LAMA2: variants seen among roughly 807,000 people sequenced by gnomAD.
LAMA2 encodes laminin subunit alpha 2, also known as laminin subunit alpha-2.
LAMA2 carries 269 observed loss-of-function variants against 364.8 expected under a neutral mutation model. The observed-to-expected ratio is 0.74, with a 90% CI of 0.67 to 0.82. The LOEUF (loss-of-function observed/expected upper bound fraction) is 0.82, where lower values mean the gene tolerates loss of function less well. Ranked by LOEUF, LAMA2 falls within the 40% of genes least tolerant of loss-of-function variation. The pLI, the probability that LAMA2 is intolerant of heterozygous loss-of-function variation, is 0.00. For synonymous variants in LAMA2, 1,379 were observed against 1,370.6 expected (o/e 1.01, Z -0.14); for missense variants, 3,807 against 3,873.2 (o/e 0.98, Z 0.45).
chr6:129,083,305 TG>T (rs531346563), intron 3 of LAMA2, among the ~76,000 whole-genome samples: 216 of 152,304 alleles, frequency 1.4e-3, no homozygotes, highest in African/African-American at 4.8e-3. Context: ...AAGACTTCTT[TG>T]GAACTGTGGA....
chr6:129,340,605 G>A (rs1678092586), intron 29 of LAMA2, among the ~76,000 whole-genome samples: 1 of 152,064 alleles, frequency 6.6e-6, no homozygotes, highest in Non-Finnish European at 1.5e-5. Flanking sequence ...GGAGGCTGAG[G>A]TGGGTGGATC....
chr6:129,206,454 G>A (rs539355721), intron 12 of LAMA2, among the ~76,000 whole-genome samples: 1 of 152,270 alleles, frequency 6.6e-6, no homozygotes, highest in Admixed American at 6.5e-5. Flanking sequence ...ATTCTAAGCT[G>A]TTGTAAAAAT....
intron 10 of LAMA2, among the ~76,000 whole-genome samples, 198 bp downstream of exon 10, chr6:129,178,064 G>A (rs1040643149): frequency 3.3e-5 from 5 of 152,216 alleles, no homozygotes; most frequent in African/African-American, 1.2e-4. Context: ...ACAAATGCAC[G>A]GAGGATAAAC....
intron 1 of LAMA2, among the ~76,000 whole-genome samples, chr6:128,985,985 C>T (rs751245374): frequency 6.6e-6 from 1 of 152,112 alleles, no homozygotes; most frequent in Non-Finnish European, 1.5e-5. Context: ...AACAGGAAAG[C>T]AGATCAAATA....
intron 1 of LAMA2, among the ~76,000 whole-genome samples, chr6:128,894,021 A>G (rs1267851072): frequency 3.9e-5 from 6 of 152,152 alleles, no homozygotes; most frequent in African/African-American, 1.4e-4. Context: ...ATTGGAAAAA[A>G]GAGGAGTCTG....
At chr6:129,282,760 C>G (rs1788813262) in intron 18 of LAMA2, among the ~76,000 whole-genome samples, 1 of 152,156 alleles carries the variant, frequency 6.6e-6, no homozygotes, top group South Asian at 2.1e-4. Context: ...CTAAGACCCA[C>G]CAACATCTCT....
chr6:129,266,246 A>G (rs888430910), intron 15 of LAMA2, among the ~76,000 whole-genome samples: 2 of 152,266 alleles, frequency 1.3e-5, no homozygotes, highest in East Asian at 3.9e-4. Flanking sequence ...CTTATTTTGC[A>G]TCTCATCCAT....
chr6:129,311,174 T>A (rs930173112), intron 22 of LAMA2, among the ~76,000 whole-genome samples: 1 of 151,438 alleles, frequency 6.6e-6, no homozygotes, highest in Non-Finnish European at 1.5e-5. Flanking sequence ...TAGGCTGGAG[T>A]GCAGTGGCGC....
At chr6:128,942,676 G>A (rs972847832) in intron 1 of LAMA2, among the ~76,000 whole-genome samples, 4 of 152,134 alleles carry the variant, frequency 2.6e-5, no homozygotes, top group African/African-American at 9.7e-5. Flanking sequence ...GCTGAGAAAG[G>A]TAGGTCTTAA....
In LAMA2 at chr6:129,403,749, A is replaced by G. The variant is rs2326817; in HGVS notation, c.5727-72A>G. On this transcript the variant is annotated intron_variant, in intron 39 of 64. Coordinates refer to ENST00000421865, the MANE Select transcript of LAMA2 (RefSeq NM_000426.4). ...CATGATCATTTGGAAGCCAGATTTCATATAATTAGGACGTTCTTCATTTGA... is the reference window on the plus strand; with the variant it reads ...CATGATCATTTGGAAGCCAGATTTCGTATAATTAGGACGTTCTTCATTTGA... 634,375 of 1,409,904 alleles carry G rather than the reference A, an allele frequency of 0.45. 145,102 individuals are homozygous for G. The highest frequency in any genetic ancestry group is 0.63 in the African/African-American group (43,836 of 70,064). The allele number at this position is 1,409,904 out of a possible 1,614,324, so 87.3% of individuals were successfully genotyped here.
chr6:129,026,917 A>G (rs1785868181), intron 1 of LAMA2, among the ~76,000 whole-genome samples: 1 of 152,134 alleles, frequency 6.6e-6, no homozygotes. Flanking sequence ...TTTGACAGCC[A>G]TCTGCTCAGA....
chr6:129,439,208 A>G (rs1281200984), intron 42 of LAMA2, among the ~76,000 whole-genome samples: 2 of 152,032 alleles, frequency 1.3e-5, no homozygotes, highest in African/African-American at 2.4e-5. Context: ...TGTAAATGCT[A>G]TGTAAATTCT....
Position 129,223,784 on chromosome 6 carries a change from C to G in LAMA2, c.1783-26328C>G, listed in dbSNP as rs181133948. Among the ~76,000 whole-genome samples, 145 of 152,298 alleles carry G rather than the reference C, an allele frequency of 9.5e-4. 1 individual carries two copies. The highest frequency in any genetic ancestry group is 3.3e-3 in the African/African-American group (136 of 41,560). On this transcript the variant is annotated intron_variant, in intron 12 of 64. Transcript: ENST00000421865. ...TTTGAAGTCAGGTAGCATGATGCCT[C>G]CAGCTTTGTTCTTTTGGCTTAGGAT... is the stretch of plus-strand genomic sequence containing the variant.
At chr6:128,955,881 G>A (rs1256430865) in intron 1 of LAMA2, among the ~76,000 whole-genome samples, 3 of 151,954 alleles carry the variant, frequency 2.0e-5, no homozygotes, top group African/African-American at 7.2e-5. Flanking sequence ...AAGATGGGGT[G>A]TAGGTAGGGT....
chr6:129,119,598 A>G (rs949991845), intron 4 of LAMA2, among the ~76,000 whole-genome samples: 5 of 152,028 alleles, frequency 3.3e-5, no homozygotes, highest in African/African-American at 9.7e-5. Context: ...CCCAGGCTGG[A>G]CTGCAGTGGC....
intron 54 of LAMA2, 67 bp from the exon 55 acceptor site, chr6:129,481,196 T>G: frequency 1.1e-5 from 13 of 1,217,014 alleles, no homozygotes; most frequent in Non-Finnish European, 1.2e-5. Context: ...GGAGGGTGAG[T>G]GAGATGGAGA....
intron 4 of LAMA2, among the ~76,000 whole-genome samples, chr6:129,112,074 A>G (rs1172964165): frequency 1.3e-5 from 2 of 151,872 alleles, no homozygotes; most frequent in African/African-American, 2.4e-5. Flanking sequence ...GACAGTTGAC[A>G]CCTTTTAGGG....
chr6:129,272,437 A>G (rs553132691), intron 17 of LAMA2, among the ~76,000 whole-genome samples: 1 of 152,302 alleles, frequency 6.6e-6, no homozygotes, highest in Non-Finnish European at 1.5e-5. Flanking sequence ...GATGAACCCA[A>G]TCTAAGAGCT....
chr6:129,177,412 C>T (rs967920162), intron 9 of LAMA2, among the ~76,000 whole-genome samples: 2 of 152,150 alleles, frequency 1.3e-5, no homozygotes, highest in Non-Finnish European at 2.9e-5. Context: ...GTGGAAATTT[C>T]TCCTTGGTCA....
Sources: allele counts gnomAD v4.1 joint callset (sites outside exome capture counted in the v4.1 genomes callset), GRCh38; gene constraint gnomAD v4.1.1; transcripts MANE v1.5; gene names NCBI Gene and HGNC (gene_info 2026-07-23, HGNC 2026-07-21).